The following RPS8 variants were observed in gnomAD, a reference collection of about 807,000 sequenced individuals.
The protein encoded by RPS8 is small ribosomal subunit protein eS8.
For synonymous variants in RPS8, 100 were observed against 100.7 expected, an observed-to-expected ratio of 0.99 and a Z score of 0.04; for missense variants, 141 against 269.7, an observed-to-expected ratio of 0.52 and a Z score of 3.34.
chr1:44,775,594 G>C lies in RPS8; in HGVS notation c.-3G>C, dbSNP rs944278122. 20 of 1,614,064 alleles carry C rather than the reference G, an allele frequency of 1.2e-5. No individual in the cohort carries two copies. In the Admixed American group the frequency reaches 1.3e-4, roughly 11 times the overall value. ...GGTTTCTCTTTCCAGCCAGCGCCGA[G>C]CGATGGGTGAGTGTCGCTCTGCATT... On this transcript the variant is annotated 5_prime_UTR_variant, in exon 1 of 6. Transcript: ENST00000396651.
chr1:44,778,242 T>G, intron 5 of RPS8, 113 bp downstream of exon 5: 1 of 1,338,208 alleles, frequency 7.5e-7, no homozygotes, highest in South Asian at 1.2e-5. Context: ...AAGGGTTCAC[T>G]GATAACAGGC....
Position 44,776,023 on chromosome 1 carries a change from T to G in RPS8, c.5-11T>G. ...AGTGGCTCAAGCTTCCTTCCCCGCT[T>G]CCACATGCAGGCATCTCTCGGGACA... On this transcript the variant is annotated splice_polypyrimidine_tract_variant and intron_variant, in intron 1 of 5. Transcript: ENST00000396651. 6.2e-7 allele frequency: 1 copy of G among 1,612,820 alleles called. No homozygotes were observed. Among genetic ancestry groups the G allele is most frequent in the Non-Finnish European group, 8.5e-7 (1 of 1,179,236 alleles).
chr1:44,778,326 C>G (rs1043613234), intron 5 of RPS8, 197 bp downstream of exon 5: 83 of 832,380 alleles, frequency 1.0e-4, no homozygotes, highest in Non-Finnish European at 1.6e-4. Flanking sequence ...GTAGAAGAGT[C>G]TGCATAGGCC....
chr1:44,778,106 A>G lies in RPS8; in HGVS notation c.494A>G (p.Gln165Arg). 6.3e-7 allele frequency: 1 copy of G among 1,598,690 alleles called. No homozygotes were observed. Among genetic ancestry groups the G allele is most frequent in the Non-Finnish European group, 8.5e-7 (1 of 1,172,054 alleles). Reference sequence around the variant, plus strand: ...AAAATCAGCAGTCTCCTGGAGGAGCAGTTCCAGCAGGGCAAGCTTCTTGGT... The same window carrying G: ...AAAATCAGCAGTCTCCTGGAGGAGCGGTTCCAGCAGGGCAAGCTTCTTGGT... ...NAKISSLLEE[Q>R]FQQGKLLACI... The change falls in exon 5 of 6, where the codon CAG becomes CGG. Residue 165 changes from glutamine (Q) to arginine (R), a missense_variant. Transcript: ENST00000396651.
chr1:44,776,153 G>T lies in RPS8; in HGVS notation c.111+13G>T, dbSNP rs1317317836. 2 of 1,574,920 alleles carry T rather than the reference G, an allele frequency of 1.3e-6. No homozygotes were observed. Among genetic ancestry groups the T allele is most frequent in the Non-Finnish European group, 1.7e-6 (2 of 1,161,820 alleles). On this transcript the variant is annotated intron_variant, in intron 2 of 5. Coordinates refer to ENST00000396651, the MANE Select transcript of RPS8 (RefSeq NM_001012.2). The stretch of plus-strand genomic sequence containing the variant: ...TGCCAACACCAAGGTGGGTGCGAGC[G>T]TGGGCCTGTCCGCCTGGGAGGTCGC...
At chr1:44,775,924 C>T (rs543093148) in intron 1 of RPS8, 110 bp from the exon 2 acceptor site, 18 of 1,046,526 alleles carry the variant, frequency 1.7e-5, no homozygotes, top group Middle Eastern at 2.0e-4. Flanking sequence ...GGAAGCCAAC[C>T]TTGGAGAGCT....
At chr1:44,777,450 G>A (rs1271889401) in intron 3 of RPS8, 164 bp from the exon 4 acceptor site, 3 of 627,210 alleles carry the variant, frequency 4.8e-6, no homozygotes, top group Non-Finnish European at 8.6e-6. Flanking sequence ...AACTAGAAAC[G>A]TGGGTTAGGG....
chr1:44,776,577 A>G (rs1650861384), intron 2 of RPS8, 98 bp from the exon 3 acceptor site: 1 of 982,862 alleles, frequency 1.0e-6, no homozygotes, highest in South Asian at 1.3e-5. Context: ...GACTTGTCAT[A>G]GTTACACTGA....
At chr1:44,777,875 C>G (rs199887843) in intron 4 of RPS8, 86 bp downstream of exon 4, 2 of 1,578,224 alleles carry the variant, frequency 1.3e-6, no homozygotes, top group Non-Finnish European at 1.7e-6. Context: ...AGTTCTGCTA[C>G]TGAAGGGAGA....
rs937853968 is a variant in RPS8 at position 44,776,841 on chromosome 1, G to T, written c.211+67G>T. On this transcript the variant is annotated intron_variant, in intron 3 of 5. Coordinates refer to ENST00000396651, the MANE Select transcript of RPS8 (RefSeq NM_001012.2). ...AACGGTCTTAAGATTCACCAAGTGG[G>T]CCTGGCGCGGTGGCTCACGCCTATA... The T allele has an allele frequency of 8.7e-6, 11 of 1,263,072 alleles. No individual in the cohort carries two copies. In the Admixed American group the frequency reaches 2.4e-4, roughly 27 times the overall value. The allele number at this position is 1,263,072 out of a possible 1,614,324, so 78.2% of individuals were successfully genotyped here.
rs1392974813 is a variant in RPS8 at position 44,778,144 on chromosome 1, GT to G, written c.517+16del. 6.3e-7 allele frequency: 1 copy of G among 1,589,166 alleles called. No individual in the cohort carries two copies. The highest frequency in any genetic ancestry group is 1.9e-5 in the Admixed American group (1 of 53,502). The stretch of plus-strand genomic sequence containing the variant: ...CAAGCTTCTTGGTGAGAAGGCTGTT[GT>G]GTTGGAGGTGGGGAGTCGCAGAGAT... On this transcript the variant is annotated intron_variant, in intron 5 of 5. Transcript: ENST00000396651.
intron 1 of RPS8, 190 bp downstream of exon 1, chr1:44,775,790 TCCGGGC>T: frequency 1.1e-6 from 1 of 875,118 alleles, no homozygotes; most frequent in Non-Finnish European, 1.8e-6. Flanking sequence ...GGCTCCGGGT[TCCGGGC>T]CGCGGGCTGC....
chr1:44,777,204 T>C lies in RPS8; in HGVS notation c.212-410T>C, dbSNP rs1331386974. The C allele has an allele frequency of 1.4e-5, 3 of 210,704 alleles. No homozygotes were observed. The East Asian group carries it at 3.9e-4, about 28-fold the overall frequency. 13.1% of individuals were successfully genotyped at this position (210,704 alleles called of 1,614,324 possible). A position where few individuals can be genotyped will look rare whatever the true frequency, so the allele number is the denominator to read the frequency against. On this transcript the variant is annotated intron_variant, in intron 3 of 5. Coordinates refer to ENST00000396651, the MANE Select transcript of RPS8 (RefSeq NM_001012.2). ...CTCCTGCCTCAGCCTCCCAAGAAGC[T>C]GGGATTACAGGCGTGTGCCATCACA... is the stretch of plus-strand genomic sequence containing the variant.
At chr1:44,777,510 C>A in intron 3 of RPS8, 104 bp from the exon 4 acceptor site, 1 of 884,886 alleles carries the variant, frequency 1.1e-6, no homozygotes, top group Non-Finnish European at 1.8e-6. Context: ...GCTGAGAGTT[C>A]CCTTATTTCT....
At chr1:44,776,459 G>T in intron 2 of RPS8, 1 of 759,988 alleles carries the variant, frequency 1.3e-6, no homozygotes. Flanking sequence ...TTAATTTTCA[G>T]CATTTGGGGT....
chr1:44,775,765 G>T (rs1041978583), intron 1 of RPS8, 165 bp downstream of exon 1: 1 of 985,966 alleles, frequency 1.0e-6, no homozygotes, highest in Admixed American at 1.9e-5. Context: ...GTCTCTGGGG[G>T]CTGCGAAGGC....
intron 1 of RPS8, 77 bp from the exon 2 acceptor site, chr1:44,775,957 G>T: frequency 1.5e-6 from 2 of 1,373,722 alleles, no homozygotes; most frequent in South Asian, 1.2e-5. Context: ...GGCCCGGCGC[G>T]GGGGTCTCCG....
At chr1:44,777,388 A>C (rs974653663) in intron 3 of RPS8, 1 of 543,246 alleles carries the variant, frequency 1.8e-6, no homozygotes, top group Non-Finnish European at 3.4e-6. Flanking sequence ...ATCTTTCTGA[A>C]CTCTGCAGCC....
At chr1:44,776,194 A>T (rs1467208998) in intron 2 of RPS8, 54 bp downstream of exon 2, 2 of 1,317,038 alleles carry the variant, frequency 1.5e-6, no homozygotes, top group East Asian at 4.8e-5. Flanking sequence ...CCCGCTCTCC[A>T]GCGTGCTCGG....
Sources: gnomAD v4.1 joint callset for allele counts on GRCh38, gnomAD v4.1.1 for gene constraint, MANE v1.5 for transcripts, NCBI Gene and HGNC (gene_info 2026-07-23, HGNC 2026-07-21) for gene names.